The following ZDHHC14 variants were observed in gnomAD, a reference collection of about 807,000 sequenced individuals.
ZDHHC14 encodes the protein zDHHC palmitoyltransferase 14.
In ZDHHC14, 16 loss-of-function variants were observed where a neutral mutation model predicts 47.7. That is an observed-to-expected ratio of 0.34 (90% CI 0.23 to 0.51). ZDHHC14 has a LOEUF of 0.51. ZDHHC14 is among the 20% of genes least tolerant of loss of function. ZDHHC14 has a pLI of 0.97. For synonymous variants in ZDHHC14, 293 were observed against 278.9 expected, an observed-to-expected ratio of 1.05 and a Z score of -0.50; for missense variants, 515 against 662.5, an observed-to-expected ratio of 0.78 and a Z score of 2.44.
At chr6:157,622,871 T>C (rs1270698990) in intron 3 of ZDHHC14, among the ~76,000 whole-genome samples, 1 of 128,652 alleles carries the variant, frequency 7.8e-6, no homozygotes, top group African/African-American at 2.7e-5. Context: ...TTTCTGCCTT[T>C]ACTTAATCCA....
rs575783078 is a variant in ZDHHC14, at chr6:157,674,287, A to G, written c.*1165A>G. 6.6e-6 allele frequency: 1 copy of G among 152,318 alleles called. No individual in the cohort carries two copies. Among genetic ancestry groups the G allele is most frequent in the African/African-American group, 2.4e-5 (1 of 41,558 alleles). 9.4% of individuals were successfully genotyped at this position (152,318 alleles called of 1,614,324 possible). A position where few individuals can be genotyped will look rare whatever the true frequency, so the allele number is the denominator to read the frequency against. ...TTCCTTCTGTGTTAACGTGTCACTC[A>G]ATCCCAGAAGTGCAACTTGAGGTCC... On this transcript the variant is annotated 3_prime_UTR_variant, in exon 9 of 9. Transcript: ENST00000359775.
intron 3 of ZDHHC14, among the ~76,000 whole-genome samples, chr6:157,607,280 G>A (rs1046073775): frequency 6.6e-6 from 1 of 152,130 alleles, no homozygotes; most frequent in Non-Finnish European, 1.5e-5. Context: ...TCCCTAAGAT[G>A]ACAAGTCACA....
chr6:157,531,372 G>A (rs1047686622), intron 1 of ZDHHC14, among the ~76,000 whole-genome samples: 2 of 152,018 alleles, frequency 1.3e-5, no homozygotes, highest in Non-Finnish European at 2.9e-5. Context: ...TGCACCGTCC[G>A]AAGGAGGCCT....
At chr6:157,662,907 A>G (rs1288681985) in intron 8 of ZDHHC14, among the ~76,000 whole-genome samples, 1 of 152,258 alleles carries the variant, frequency 6.6e-6, no homozygotes, top group Non-Finnish European at 1.5e-5. Flanking sequence ...TGTAATGTCT[A>G]TGAGACACAT....
intron 1 of ZDHHC14, among the ~76,000 whole-genome samples, chr6:157,418,326 G>GT (rs5881211): frequency 0.84 from 128,351 of 152,202 alleles, 54,319 homozygotes; most frequent in Middle Eastern, 0.95. Flanking sequence ...TACATTAAAA[G>GT]TTTGCAGAAT....
intron 1 of ZDHHC14, among the ~76,000 whole-genome samples, chr6:157,410,885 C>T (rs1777858815): frequency 6.6e-6 from 1 of 151,980 alleles, no homozygotes; most frequent in Non-Finnish European, 1.5e-5. Context: ...TTAGTAGAGA[C>T]GGGGTTTCAC....
chr6:157,560,653 G>C (rs1782673058), intron 2 of ZDHHC14, among the ~76,000 whole-genome samples: 1 of 151,542 alleles, frequency 6.6e-6, no homozygotes, highest in Non-Finnish European at 1.5e-5. Context: ...TTTATAATTA[G>C]AAGAAAAAAA....
At chr6:157,548,711 G>A (rs1289709916) in intron 2 of ZDHHC14, among the ~76,000 whole-genome samples, 1 of 139,814 alleles carries the variant, frequency 7.2e-6, no homozygotes, top group Non-Finnish European at 1.5e-5. Flanking sequence ...CTCCCAAAGT[G>A]CTGGGATTAC....
intron 2 of ZDHHC14, among the ~76,000 whole-genome samples, chr6:157,583,747 G>A (rs1302777432): frequency 2.0e-5 from 3 of 152,232 alleles, no homozygotes; most frequent in Non-Finnish European, 4.4e-5. Context: ...GCACTCCCAG[G>A]ATGCCCACTG....
At position 157,603,344 on chromosome 6, in the gene ZDHHC14, C is replaced by T. The variant is rs147956364; in HGVS notation, c.565+10198C>T. ...ATCATAAAGAAGTACTTGACAAGGT[C>T]GTAGCACTCAGGATGGTCATTTTAG... On this transcript the variant is annotated intron_variant, in intron 3 of 8. Coordinates refer to ENST00000359775, the MANE Select transcript of ZDHHC14 (RefSeq NM_024630.3). 3.2e-4 allele frequency among the ~76,000 whole-genome samples: 48 copies of T among 152,262 alleles called. 1 individual carries two copies. The highest frequency in any genetic ancestry group is 1.0e-3 in the African/African-American group (42 of 41,558).
intron 2 of ZDHHC14, among the ~76,000 whole-genome samples, chr6:157,564,982 C>T (rs559258673): frequency 6.9e-4 from 105 of 152,318 alleles, no homozygotes; most frequent in African/African-American, 2.4e-3. Flanking sequence ...TGGTGGCTCA[C>T]GCCTGCAATT....
chr6:157,412,983 G>A (rs974428555), intron 1 of ZDHHC14, among the ~76,000 whole-genome samples: 2 of 152,212 alleles, frequency 1.3e-5, no homozygotes, highest in East Asian at 3.8e-4. Context: ...TAGCTGTTTG[G>A]CATCAGCGCC....
intron 2 of ZDHHC14, among the ~76,000 whole-genome samples, chr6:157,554,658 T>C (rs1254404109): frequency 6.6e-6 from 1 of 152,214 alleles, no homozygotes; most frequent in Non-Finnish European, 1.5e-5. Context: ...TTAACTGAAA[T>C]CTCTCGGATG....
chr6:157,651,311 C>T (rs764362463), intron 7 of ZDHHC14, among the ~76,000 whole-genome samples: 5 of 152,202 alleles, frequency 3.3e-5, no homozygotes, highest in Admixed American at 6.5e-5. Context: ...TATGCTTCAT[C>T]GCAGGGTAGC....
chr6:157,423,783 C>G (rs1230168850), intron 1 of ZDHHC14, among the ~76,000 whole-genome samples: 1 of 152,208 alleles, frequency 6.6e-6, no homozygotes, highest in Non-Finnish European at 1.5e-5. Flanking sequence ...AAACTCTCAC[C>G]ACTCCAGGTG....
chr6:157,655,566 G>A lies in ZDHHC14; in HGVS notation c.1068+1939G>A, dbSNP rs567636003. Among the ~76,000 whole-genome samples the A allele has an allele frequency of 7.2e-5, 11 of 152,306 alleles. No homozygotes were observed. The East Asian group carries it at 1.5e-3, about 21-fold the overall frequency. ...ATTCTGGCCGCAGCATACGTTGATC[G>A]TTTCTCTGATGTGTGCATGTGTCTA... On this transcript the variant is annotated intron_variant, in intron 8 of 8. Coordinates refer to ENST00000359775, the MANE Select transcript of ZDHHC14 (RefSeq NM_024630.3).
intron 1 of ZDHHC14, among the ~76,000 whole-genome samples, chr6:157,420,602 GCCATTACCA>G (rs1778080163): frequency 6.6e-6 from 1 of 152,208 alleles, no homozygotes; most frequent in African/African-American, 2.4e-5. Context: ...GAAGTGGTGG[GCCATTACCA>G]GTGCGACTGA....
Position 157,672,724 on chromosome 6 carries a change from T to G in ZDHHC14, c.1069T>G (p.Cys357Gly). ...YGATQSQSDM[C>G]DQDQCIQSTK... is the part of the protein sequence containing the mutation. ...TTTGCTGGCGCCTCCCGCTCTCCAG[T>G]GCGACCAAGACCAGTGCATTCAGAG... is the stretch of plus-strand genomic sequence containing the variant. Residue 357 changes from cysteine (C) to glycine (G), a missense_variant and splice_region_variant, in exon 9 of 9, where the codon TGC becomes GGC. Around this residue, in one of 4 missense-constraint regions of ZDHHC14, gnomAD observed 221 missense variants for 233.6 expected, o/e 0.95. Coordinates refer to ENST00000359775, the MANE Select transcript of ZDHHC14 (RefSeq NM_024630.3). 6.8e-7 allele frequency: 1 copy of G among 1,474,366 alleles called. No individual in the cohort carries two copies. Among genetic ancestry groups the G allele is most frequent in the Admixed American group, 1.8e-5 (1 of 55,138 alleles). The allele number at this position is 1,474,366 out of a possible 1,614,324, so 91.3% of individuals were successfully genotyped here.
chr6:157,675,682 C>T lies in ZDHHC14; in HGVS notation c.*2560C>T, dbSNP rs1039035839. ...ACTTCTGTTTGTCAGGAGGGATGGT[C>T]GGAGGGGCAGCTCACCTGGCGAGGT... On this transcript the variant is annotated 3_prime_UTR_variant, in exon 9 of 9. Coordinates refer to ENST00000359775, the MANE Select transcript of ZDHHC14 (RefSeq NM_024630.3). 3 of 152,198 alleles carry T rather than the reference C, an allele frequency of 2.0e-5. No homozygotes were observed. The highest frequency in any genetic ancestry group is 4.8e-5 in the African/African-American group (2 of 41,442). 9.4% of individuals were successfully genotyped at this position (152,198 alleles called of 1,614,324 possible).
Sources: allele counts gnomAD v4.1 joint callset (sites outside exome capture counted in the v4.1 genomes callset), GRCh38; gene constraint gnomAD v4.1.1; regional missense constraint gnomAD v4.1.1; transcripts MANE v1.5; gene names NCBI Gene and HGNC (gene_info 2026-07-23, HGNC 2026-07-21).